UNC13C: variants seen among roughly 807,000 people sequenced by gnomAD.
The protein encoded by UNC13C is protein unc-13 homolog C.
In UNC13C, 174 loss-of-function variants were observed where a neutral mutation model predicts 245.4. The ratio of observed to expected loss-of-function variants is 0.71; its 90% CI spans 0.63 to 0.80. UNC13C has a LOEUF of 0.80. Ranked by LOEUF, UNC13C falls within the 30% of genes least tolerant of loss-of-function variation. UNC13C has a pLI of 0.00. For synonymous variants in UNC13C, 992 were observed against 895.1 expected, an observed-to-expected ratio of 1.11 and a Z score of -1.93; for missense variants, 2,829 against 2,602.9, an observed-to-expected ratio of 1.09 and a Z score of -1.89.
At chr15:54,091,259 T>G (rs1057452332) in intron 2 of UNC13C, among the ~76,000 whole-genome samples, 1 of 152,236 alleles carries the variant, frequency 6.6e-6, no homozygotes, top group Non-Finnish European at 1.5e-5. Flanking sequence ...TCTCTTGACA[T>G]GTTCCTCAGC....
intron 2 of UNC13C, among the ~76,000 whole-genome samples, chr15:54,047,552 G>A (rs988752896): frequency 6.6e-6 from 1 of 152,006 alleles, no homozygotes; most frequent in Non-Finnish European, 1.5e-5. Flanking sequence ...GGTTTTCAAG[G>A]TTTATCCTGT....
chr15:54,039,654 T>C (rs1896731391), intron 2 of UNC13C, among the ~76,000 whole-genome samples: 1 of 152,068 alleles, frequency 6.6e-6, no homozygotes, highest in African/African-American at 2.4e-5. Context: ...GGTGATCCCA[T>C]TTGGTCCCAT....
the UNC13C span, among the ~76,000 whole-genome samples, chr15:53,893,465 C>T: frequency 6.6e-6 from 1 of 152,208 alleles, no homozygotes; most frequent in Admixed American, 6.5e-5. Flanking sequence ...GCCACCCCTT[C>T]CCCCAGGTGC....
intron 1 of UNC13C, among the ~76,000 whole-genome samples, chr15:54,004,459 T>G (rs957713195): frequency 2.0e-5 from 3 of 152,220 alleles, no homozygotes; most frequent in Non-Finnish European, 4.4e-5. Flanking sequence ...TGAACAGTAC[T>G]TCAACAGGCA....
intron 2 of UNC13C, among the ~76,000 whole-genome samples, chr15:54,093,599 C>G (rs766617986): frequency 6.6e-6 from 1 of 152,182 alleles, no homozygotes; most frequent in Non-Finnish European, 1.5e-5. Context: ...ACCAAATGCA[C>G]GTGGGTGCTG....
intron 2 of UNC13C, among the ~76,000 whole-genome samples, chr15:54,123,292 C>G (rs1200071722): frequency 6.6e-6 from 1 of 151,406 alleles, no homozygotes; most frequent in Non-Finnish European, 1.5e-5. Context: ...GGTTTGTTAT[C>G]TTGATATAGT....
At chr15:53,968,393 A>T in the UNC13C span, among the ~76,000 whole-genome samples, 1 of 152,174 alleles carries the variant, frequency 6.6e-6, no homozygotes, top group Non-Finnish European at 1.5e-5. Flanking sequence ...CAAGAGTAAG[A>T]TACTATTAAG....
chr15:54,096,714 G>C (rs896061182), intron 2 of UNC13C, among the ~76,000 whole-genome samples: 3 of 152,206 alleles, frequency 2.0e-5, no homozygotes, highest in African/African-American at 7.2e-5. Flanking sequence ...CTCCAACCCT[G>C]TCTTGTACTC....
the UNC13C span, among the ~76,000 whole-genome samples, chr15:53,877,999 A>C: frequency 6.6e-6 from 1 of 152,168 alleles, no homozygotes; most frequent in Admixed American, 6.5e-5. Context: ...TTTTAGATTC[A>C]ACATGTTGAT....
chr15:53,911,454 AGTGGTGGC>A, the UNC13C span: 1 of 152,192 alleles, frequency 6.6e-6, no homozygotes, highest in African/African-American at 2.4e-5. Context: ...GACCCCTCAC[AGTGGTGGC>A]ACATACCTCT....
intron 17 of UNC13C, among the ~76,000 whole-genome samples, chr15:54,352,805 A>T (rs2039013824): frequency 6.6e-6 from 1 of 152,050 alleles, no homozygotes; most frequent in Admixed American, 6.6e-5. Flanking sequence ...TATTTCCATG[A>T]TGCGTTTTAT....
chr15:54,551,071 C>T (rs1896715065), intron 28 of UNC13C, among the ~76,000 whole-genome samples: 1 of 152,104 alleles, frequency 6.6e-6, no homozygotes, highest in Non-Finnish European at 1.5e-5. Flanking sequence ...TTTACTGCTA[C>T]ATGAAATTTT....
intron 13 of UNC13C, among the ~76,000 whole-genome samples, chr15:54,311,908 A>G (rs929001040): frequency 1.3e-5 from 2 of 151,870 alleles, no homozygotes; most frequent in East Asian, 3.9e-4. Context: ...TAATTTAGTC[A>G]AACAAGAATA....
chr15:54,563,833 A>G (rs1897393437), intron 29 of UNC13C, among the ~76,000 whole-genome samples: 1 of 151,998 alleles, frequency 6.6e-6, no homozygotes, highest in South Asian at 2.1e-4. Flanking sequence ...TCTACTCTCC[A>G]GTTCCTTCAG....
the UNC13C span, among the ~76,000 whole-genome samples, chr15:53,944,253 T>A: frequency 6.6e-6 from 1 of 152,158 alleles, no homozygotes; most frequent in Non-Finnish European, 1.5e-5. Flanking sequence ...GCTCTTTTTT[T>A]ATTTTAAACT....
intron 2 of UNC13C, among the ~76,000 whole-genome samples, chr15:54,081,657 TCTTTA>T (rs1361140398): frequency 4.6e-5 from 7 of 152,104 alleles, no homozygotes; most frequent in South Asian, 2.1e-4. Context: ...TTTCTTCATC[TCTTTA>T]CTTTGAGTCT....
chr15:54,057,062 A>C (rs1376553980), intron 2 of UNC13C, among the ~76,000 whole-genome samples: 1 of 152,180 alleles, frequency 6.6e-6, no homozygotes, highest in African/African-American at 2.4e-5. Flanking sequence ...CTAATGAGCA[A>C]AATAACCAGC....
chr15:54,358,509 T>G (rs1269222760), intron 17 of UNC13C, among the ~76,000 whole-genome samples: 2 of 152,116 alleles, frequency 1.3e-5, no homozygotes, highest in Non-Finnish European at 2.9e-5. Context: ...TCAGTTATCT[T>G]ATAGTTTTCA....
At chr15:53,994,761 A>G (rs994911778) in intron 1 of UNC13C, among the ~76,000 whole-genome samples, 3 of 152,090 alleles carry the variant, frequency 2.0e-5, no homozygotes, top group Non-Finnish European at 4.4e-5. Flanking sequence ...GTGTTTTTTA[A>G]TGTGTATAGT....
Sources: gnomAD v4.1 joint callset for allele counts (sites outside exome capture counted in the v4.1 genomes callset) on GRCh38, gnomAD v4.1.1 for gene constraint, MANE v1.5 for transcripts, NCBI Gene and HGNC (gene_info 2026-07-23, HGNC 2026-07-21) for gene names.